PDE1A: variants seen among roughly 807,000 people sequenced by gnomAD.
PDE1A encodes dual specificity calcium/calmodulin-dependent 3',5'-cyclic nucleotide phosphodiesterase 1A.
In PDE1A, 35 loss-of-function variants were observed where a neutral mutation model predicts 61.7. The ratio of observed to expected loss-of-function variants is 0.57; its 90% CI spans 0.43 to 0.75. The LOEUF is 0.75. PDE1A is among the 30% of genes least tolerant of loss of function. The pLI is 0.00. For synonymous variants in PDE1A, 232 were observed against 213.2 expected (o/e 1.09, Z -0.77); for missense variants, 597 against 630.6 (o/e 0.95, Z 0.57).
At chr2:182,188,410 T>C (rs974145422) in intron 11 of PDE1A, among the ~76,000 whole-genome samples, 23 of 152,222 alleles carry the variant, frequency 1.5e-4, no homozygotes, top group Non-Finnish European at 2.9e-4. Context: ...TTATTACAAG[T>C]ATTTGAGCCA....
intron 2 of PDE1A, among the ~76,000 whole-genome samples, chr2:182,259,497 T>G (rs565069843): frequency 1.3e-5 from 2 of 152,366 alleles, no homozygotes; most frequent in East Asian, 3.9e-4. Context: ...ATTTAAATTT[T>G]ACTCTTAGGC....
the PDE1A span, among the ~76,000 whole-genome samples, chr2:182,570,719 C>T: frequency 6.6e-6 from 1 of 152,150 alleles, no homozygotes; most frequent in Non-Finnish European, 1.5e-5. Flanking sequence ...ATAATTGGAG[C>T]AATATATGTC....
chr2:182,454,242 CA>C (rs1313727572), intron 2 of PDE1A, among the ~76,000 whole-genome samples: 1 of 152,104 alleles, frequency 6.6e-6, no homozygotes, highest in African/African-American at 2.4e-5. Flanking sequence ...AGGAGAACTA[CA>C]AACCACTGCT....
At chr2:182,678,398 G>A in the PDE1A span, among the ~76,000 whole-genome samples, 2 of 152,146 alleles carry the variant, frequency 1.3e-5, no homozygotes, top group Non-Finnish European at 2.9e-5. Context: ...ACTCCAGCCT[G>A]GGGGACAAGA....
chr2:182,146,977 G>T, downstream of PDE1A: 1 of 671,124 alleles, frequency 1.5e-6, no homozygotes, highest in South Asian at 2.4e-5. Context: ...CATCCATAAT[G>T]GTATTCTGCA....
intron 13 of PDE1A, among the ~76,000 whole-genome samples, chr2:182,170,547 A>G (rs1692110784): frequency 6.6e-6 from 1 of 152,020 alleles, no homozygotes; most frequent in Admixed American, 6.6e-5. Flanking sequence ...TAGCTATACC[A>G]TATAATTTTC....
At chr2:182,562,072 G>C in the PDE1A span, among the ~76,000 whole-genome samples, 1 of 150,074 alleles carries the variant, frequency 6.7e-6, no homozygotes, top group Non-Finnish European at 1.5e-5. Context: ...TGATTGCCCT[G>C]GCCAGAACTT....
the PDE1A span, among the ~76,000 whole-genome samples, chr2:182,624,996 T>G: frequency 6.6e-6 from 1 of 152,110 alleles, no homozygotes; most frequent in Admixed American, 6.5e-5. Context: ...GTAATGGTAT[T>G]AAAAAGTGGA....
At chr2:182,271,827 C>T (rs1693047440) in intron 1 of PDE1A, among the ~76,000 whole-genome samples, 1 of 152,002 alleles carries the variant, frequency 6.6e-6, no homozygotes, top group Non-Finnish European at 1.5e-5. Flanking sequence ...TTGGTGCTCA[C>T]CACTGAAACA....
chr2:182,488,358 C>T (rs998008387), intron 2 of PDE1A, among the ~76,000 whole-genome samples: 1 of 152,008 alleles, frequency 6.6e-6, no homozygotes, highest in African/African-American at 2.4e-5. Context: ...CTGCGACCTT[C>T]TGAATACACT....
intron 2 of PDE1A, among the ~76,000 whole-genome samples, chr2:182,459,769 G>A (rs1559483288): frequency 2.6e-5 from 4 of 152,090 alleles, no homozygotes; most frequent in Admixed American, 1.3e-4. Flanking sequence ...TAGAATGTGA[G>A]CAGCCAAAAA....
At chr2:182,673,989 C>CATATAT in the PDE1A span, among the ~76,000 whole-genome samples, 2,171 of 134,894 alleles carry the variant, frequency 0.016, 45 homozygotes, top group African/African-American at 0.032. Flanking sequence ...AATATAACTT[C>CATATAT]ATATATATAT....
At chr2:182,421,091 T>C (rs978307712) in intron 1 of PDE1A, among the ~76,000 whole-genome samples, 1 of 152,198 alleles carries the variant, frequency 6.6e-6, no homozygotes, top group African/African-American at 2.4e-5. Flanking sequence ...GACTGTTTCT[T>C]CTTTTCATTG....
chr2:182,592,629 C>T, the PDE1A span, among the ~76,000 whole-genome samples: 51 of 151,744 alleles, frequency 3.4e-4, no homozygotes, highest in Non-Finnish European at 5.1e-4. Flanking sequence ...TTTCTGCATA[C>T]AAAATACAGG....
chr2:182,686,959 C>T, the PDE1A span, among the ~76,000 whole-genome samples: 20 of 152,348 alleles, frequency 1.3e-4, no homozygotes, highest in African/African-American at 4.8e-4. Context: ...GATCAAACTT[C>T]AAGGCGGCAG....
Position 182,152,171 on chromosome 2 carries a change from T to C in PDE1A, c.1517-5019A>G, listed in dbSNP as rs192140815. Among the ~76,000 whole-genome samples the C allele has an allele frequency of 6.4e-4, 97 of 152,334 alleles. 1 individual carries two copies. Among genetic ancestry groups the C allele is most frequent in the African/African-American group, 2.2e-3 (91 of 41,580 alleles). ...ATGTATAATAGTATTTCCTTAGGCATATCTCTAGGTTGCTTCAGCTTTACT... is the reference window on the plus strand; with the variant it reads ...ATGTATAATAGTATTTCCTTAGGCACATCTCTAGGTTGCTTCAGCTTTACT... On this transcript the variant is annotated intron_variant, in intron 13 of 13. Coordinates refer to the PDE1A transcript ENST00000409365.
At chr2:182,672,888 C>A in the PDE1A span, among the ~76,000 whole-genome samples, 1 of 152,138 alleles carries the variant, frequency 6.6e-6, no homozygotes, top group African/African-American at 2.4e-5. Context: ...TGTGGCTCAT[C>A]ATGTCTTCCT....
intron 1 of PDE1A, among the ~76,000 whole-genome samples, chr2:182,377,995 C>T (rs527691890): frequency 9.2e-5 from 14 of 151,970 alleles, no homozygotes; most frequent in East Asian, 7.8e-4. Context: ...TATAGGTGCC[C>T]GCCACCTCGC....
At chr2:182,414,185 C>T (rs1044890180) in intron 1 of PDE1A, among the ~76,000 whole-genome samples, 1 of 151,958 alleles carries the variant, frequency 6.6e-6, no homozygotes, top group East Asian at 1.9e-4. Context: ...GATTCCTGGT[C>T]TACATTTTGA....
Sources: allele counts gnomAD v4.1 joint callset (sites outside exome capture counted in the v4.1 genomes callset), GRCh38; gene constraint gnomAD v4.1.1; transcripts MANE v1.5; gene names NCBI Gene and HGNC (gene_info 2026-07-23, HGNC 2026-07-21).